The following MAP3K13 variants were observed in gnomAD, a reference collection of about 807,000 sequenced individuals.
MAP3K13 encodes the protein mitogen-activated protein kinase kinase kinase 13.
Under a neutral mutation model 104.0 loss-of-function variants are expected in MAP3K13, and 52 were observed. The ratio of observed to expected loss-of-function variants is 0.50; its 90% CI spans 0.40 to 0.63. The LOEUF is 0.63. Among genes scored for constraint, MAP3K13 ranks in the 20% least tolerant of loss-of-function variants. The pLI is 0.00. For synonymous variants in MAP3K13, 394 were observed against 442.2 expected, an observed-to-expected ratio of 0.89 and a Z score of 1.37; for missense variants, 914 against 1,218.5, an observed-to-expected ratio of 0.75 and a Z score of 3.72.
intron 2 of MAP3K13, among the ~76,000 whole-genome samples, chr3:185,431,249 C>T (rs1560103025): frequency 6.6e-6 from 1 of 152,186 alleles, no homozygotes; most frequent in African/African-American, 2.4e-5. Flanking sequence ...TATTTTGTCA[C>T]TTCATATTGT....
intron 2 of MAP3K13, among the ~76,000 whole-genome samples, chr3:185,330,911 C>T (rs148390349): frequency 6.6e-6 from 1 of 152,206 alleles, no homozygotes; most frequent in African/African-American, 2.4e-5. Flanking sequence ...ATCAGACCTG[C>T]TCTTGCCTTA....
Position 185,404,160 on chromosome 3 carries a change from C to T in MAP3K13, c.-85-24337C>T, listed in dbSNP as rs140612335. Among the ~76,000 whole-genome samples, 321 of 152,302 alleles carry T rather than the reference C, an allele frequency of 2.1e-3. 1 individual carries two copies. Among genetic ancestry groups the T allele is most frequent in the African/African-American group, 6.9e-3 (287 of 41,558 alleles). ...TGCATAAACAGTAGCCTGGATAGTG[C>T]GTGAGTGTAAGATTAAATACTGGAA... On this transcript the variant is annotated intron_variant, in intron 1 of 13. Coordinates refer to ENST00000265026, the MANE Select transcript of MAP3K13 (RefSeq NM_004721.5).
Position 185,375,649 on chromosome 3 carries a change from G to T in MAP3K13, c.-86+12281G>T, listed in dbSNP as rs930155605. The stretch of plus-strand genomic sequence containing the variant: ...GAGAAGGAGAAAAACTGCCGTGAGG[G>T]ATACAAGTTGGAACGCTAGCTGCTT... On this transcript the variant is annotated intron_variant, in intron 1 of 13. Coordinates refer to ENST00000265026, the MANE Select transcript of MAP3K13 (RefSeq NM_004721.5). Among the ~76,000 whole-genome samples the T allele has an allele frequency of 1.6e-4, 25 of 152,298 alleles. 2 individuals are homozygous for T. The highest frequency in any genetic ancestry group is 5.8e-4 in the African/African-American group (24 of 41,576).
intron 2 of MAP3K13, among the ~76,000 whole-genome samples, chr3:185,314,838 A>T (rs1721619341): frequency 1.3e-5 from 2 of 152,080 alleles, no homozygotes; most frequent in South Asian, 4.1e-4. Context: ...TGGGGGTCTC[A>T]TCTTCTTGCC....
At chr3:185,387,322 G>A (rs1711754795) in intron 1 of MAP3K13, among the ~76,000 whole-genome samples, 1 of 151,980 alleles carries the variant, frequency 6.6e-6, no homozygotes, top group Admixed American at 6.6e-5. Flanking sequence ...AGTGCTGCTT[G>A]TTAAAAAGAG....
In MAP3K13 at chr3:185,485,141, A is replaced by T. The variant is rs1199153038; in HGVS notation, c.*2685A>T. On this transcript the variant is annotated 3_prime_UTR_variant, in exon 14 of 14. Coordinates refer to ENST00000265026, the MANE Select transcript of MAP3K13 (RefSeq NM_004721.5). ...TAAACTTTCTAAAGTTTCTTAGGAA[A>T]TAAATTCATGGGACTATATTAGAAA... 1 of 152,214 alleles carries T rather than the reference A, an allele frequency of 6.6e-6. No homozygotes were observed. Among genetic ancestry groups the T allele is most frequent in the Non-Finnish European group, 1.5e-5 (1 of 68,042 alleles). 9.4% of individuals were successfully genotyped at this position (152,214 alleles called of 1,614,324 possible).
chr3:185,430,729 A>T (rs796886070), intron 2 of MAP3K13, among the ~76,000 whole-genome samples: 8 of 152,310 alleles, frequency 5.3e-5, no homozygotes, highest in African/African-American at 1.9e-4. Context: ...GCTCCAAAAA[A>T]ATTTTAAAAT....
chr3:185,329,303 C>G (rs768048883), intron 2 of MAP3K13: 11 of 698,912 alleles, frequency 1.6e-5, no homozygotes, highest in Middle Eastern at 2.3e-4. Flanking sequence ...TTAGATTTAT[C>G]CTCATGTTCT....
chr3:185,449,531 T>C (rs1715771945), intron 5 of MAP3K13, among the ~76,000 whole-genome samples: 1 of 152,164 alleles, frequency 6.6e-6, no homozygotes, highest in Non-Finnish European at 1.5e-5. Flanking sequence ...ATTTTTTTCC[T>C]AGCTGTTCCA....
rs1376116541 is a variant in MAP3K13 at position 185,315,082 on chromosome 3, C to T, written c.-86+29439C>T. On this transcript the variant is annotated intron_variant, in intron 2 of 14. Coordinates refer to the MAP3K13 transcript ENST00000424227. The surrounding 1 kb of genome is among the most constrained non-coding windows in gnomAD (Gnocchi z 4.3). Reference sequence around the variant, plus strand: ...CCTGACCAACAAGGTGAAACCCAGTCTCTAAGAATACAAAAAAATTAGCCA... The same window carrying T: ...CCTGACCAACAAGGTGAAACCCAGTTTCTAAGAATACAAAAAAATTAGCCA... Among the ~76,000 whole-genome samples, 1 of 152,106 alleles carries T rather than the reference C, an allele frequency of 6.6e-6. No individual in the cohort carries two copies. Among genetic ancestry groups the T allele is most frequent in the East Asian group, 1.9e-4 (1 of 5,182 alleles).
intron 2 of MAP3K13, among the ~76,000 whole-genome samples, chr3:185,323,854 A>G (rs994043925): frequency 6.6e-6 from 1 of 152,140 alleles, no homozygotes; most frequent in African/African-American, 2.4e-5. Flanking sequence ...TTTATCCTCC[A>G]TTATTTTCCC....
At chr3:185,383,309 G>A (rs1711506784) in intron 1 of MAP3K13, among the ~76,000 whole-genome samples, 1 of 151,936 alleles carries the variant, frequency 6.6e-6, no homozygotes, top group Admixed American at 6.6e-5. Flanking sequence ...TGTGAGTAAT[G>A]CCACAATAAA....
At chr3:185,329,474 T>C (rs890024145) in intron 2 of MAP3K13, among the ~76,000 whole-genome samples, 2 of 152,218 alleles carry the variant, frequency 1.3e-5, no homozygotes, top group African/African-American at 4.8e-5. Flanking sequence ...GATGTTGGGA[T>C]CCAAGATTTA....
intron 1 of MAP3K13, among the ~76,000 whole-genome samples, chr3:185,426,247 A>AT (rs1216010488): frequency 9.9e-5 from 15 of 151,958 alleles, no homozygotes; most frequent in African/African-American, 3.4e-4. Flanking sequence ...TGCCCGGCTA[A>AT]TTTTTTGTAT....
chr3:185,332,067 T>C (rs1722304247), intron 2 of MAP3K13, among the ~76,000 whole-genome samples: 1 of 152,230 alleles, frequency 6.6e-6, no homozygotes, highest in Non-Finnish European at 1.5e-5. Context: ...TGTCTTCCTA[T>C]TGTAAACAAT....
chr3:185,450,939 A>T lies in MAP3K13; in HGVS notation c.1170-348A>T, dbSNP rs1715846231. ...CCCGTCTCTACTAAAAATACAAAAAAATTAGCCAGGTCTGGTGGCGGGTGC... is the reference window on the plus strand; with the variant it reads ...CCCGTCTCTACTAAAAATACAAAAATATTAGCCAGGTCTGGTGGCGGGTGC... On this transcript the variant is annotated intron_variant, in intron 6 of 13. Transcript: ENST00000265026. This position sits in a 1 kb window ranked among gnomAD's most constrained non-coding sequence, Gnocchi z 4.2. 6.6e-6 allele frequency among the ~76,000 whole-genome samples: 1 copy of T among 152,122 alleles called. No individual in the cohort carries two copies. The highest frequency in any genetic ancestry group is 6.5e-5 in the Admixed American group (1 of 15,276).
At chr3:185,377,538 G>A (rs1724491750) in intron 1 of MAP3K13, among the ~76,000 whole-genome samples, 1 of 152,128 alleles carries the variant, frequency 6.6e-6, no homozygotes, top group African/African-American at 2.4e-5. Context: ...CTGGGCAGGT[G>A]GGGATAACTA....
intron 1 of MAP3K13, among the ~76,000 whole-genome samples, chr3:185,396,644 C>T (rs1712438918): frequency 6.6e-6 from 1 of 152,096 alleles, no homozygotes; most frequent in Non-Finnish European, 1.5e-5. Context: ...ACAGTGATTA[C>T]TGTTATTTGC....
At chr3:185,476,303 G>A (rs180962902) in intron 11 of MAP3K13, among the ~76,000 whole-genome samples, 2 of 147,834 alleles carry the variant, frequency 1.4e-5, no homozygotes, top group East Asian at 4.0e-4. Flanking sequence ...TCCTCCTAGG[G>A]TAAACTGCTC....
Sources: allele counts gnomAD v4.1 joint callset (sites outside exome capture counted in the v4.1 genomes callset), GRCh38; gene constraint gnomAD v4.1.1; non-coding constraint Gnocchi (gnomAD v3.1); transcripts MANE v1.5; gene names NCBI Gene and HGNC (gene_info 2026-07-23, HGNC 2026-07-21).